SPECC1: variants seen among roughly 807,000 people sequenced by gnomAD.
SPECC1 encodes the protein cytospin-B.
In SPECC1, 62 loss-of-function variants were observed where a neutral mutation model predicts 104.1. That is an observed-to-expected ratio of 0.60 (90% CI 0.49 to 0.74). The LOEUF is 0.74. SPECC1 is among the 30% of genes least tolerant of loss of function. The pLI, the probability that SPECC1 is intolerant of heterozygous loss-of-function variation, is 0.00. For synonymous variants in SPECC1, 513 were observed against 501.6 expected, an observed-to-expected ratio of 1.02 and a Z score of -0.30; for missense variants, 1,306 against 1,310.5, an observed-to-expected ratio of 1.00 and a Z score of 0.05.
intron 12 of SPECC1, among the ~76,000 whole-genome samples, chr17:20,278,719 C>CT (rs71357423): frequency 1.2e-3 from 132 of 107,922 alleles, no homozygotes; most frequent in South Asian, 6.9e-3. Flanking sequence ...CTCTCTCTCT[C>CT]TTTTTTTTTT....
chr17:20,091,842 G>C (rs1424433589), intron 1 of SPECC1, among the ~76,000 whole-genome samples: 1 of 152,076 alleles, frequency 6.6e-6, no homozygotes, highest in Non-Finnish European at 1.5e-5. Context: ...ATTATTTTCT[G>C]ATTGTCCAGA....
chr17:20,119,610 T>C (rs1237081936), intron 3 of SPECC1, among the ~76,000 whole-genome samples: 1 of 152,248 alleles, frequency 6.6e-6, no homozygotes, highest in Non-Finnish European at 1.5e-5. Flanking sequence ...TTGTACATTG[T>C]CATGCTGTCC....
At chr17:20,251,042 C>A (rs1250733126) in intron 9 of SPECC1, among the ~76,000 whole-genome samples, 1 of 151,774 alleles carries the variant, frequency 6.6e-6, no homozygotes, top group Non-Finnish European at 1.5e-5. Flanking sequence ...CTCTGGTCAC[C>A]ATGGCGAAAC....
At chr17:20,257,749 G>A (rs1016635987) in intron 11 of SPECC1, 142 bp downstream of exon 11, 2 of 1,159,134 alleles carry the variant, frequency 1.7e-6, no homozygotes, top group Non-Finnish European at 2.4e-6. Context: ...GCCTGCCCTT[G>A]GTGAGTCTAA....
intron 2 of SPECC1, among the ~76,000 whole-genome samples, chr17:20,108,741 G>A (rs1240887460): frequency 6.6e-6 from 1 of 152,122 alleles, no homozygotes; most frequent in Non-Finnish European, 1.5e-5. Context: ...CTAGTTTTGG[G>A]CTGCTATAAA....
At chr17:20,301,041 ACT>A in intron 13 of SPECC1, among the ~76,000 whole-genome samples, 1 of 151,842 alleles carries the variant, frequency 6.6e-6, no homozygotes, top group Non-Finnish European at 1.5e-5. Context: ...TCCTGGCCAC[ACT>A]CTGGAGGAGC....
chr17:20,031,872 A>G (rs2152442973), intron 1 of SPECC1, among the ~76,000 whole-genome samples: 1 of 152,296 alleles, frequency 6.6e-6, no homozygotes, highest in Non-Finnish European at 1.5e-5. Flanking sequence ...TCCATTGTGT[A>G]TACATATACC....
chr17:20,227,151 A>G (rs891628312), intron 4 of SPECC1, among the ~76,000 whole-genome samples: 2 of 152,180 alleles, frequency 1.3e-5, no homozygotes, highest in Non-Finnish European at 2.9e-5. Context: ...TGTTTCTCTG[A>G]CTATTCACAG....
At chr17:20,182,729 G>C (rs2034993622) in intron 3 of SPECC1, among the ~76,000 whole-genome samples, 1 of 152,186 alleles carries the variant, frequency 6.6e-6, no homozygotes, top group Non-Finnish European at 1.5e-5. Flanking sequence ...AGAAAGTACT[G>C]AGTCTCAAGT....
At chr17:20,196,208 T>A (rs1182941909) in intron 3 of SPECC1, among the ~76,000 whole-genome samples, 2 of 152,358 alleles carry the variant, frequency 1.3e-5, no homozygotes, top group East Asian at 3.9e-4. Flanking sequence ...CTACTTTCCT[T>A]ACACACCTTA....
chr17:20,167,133 T>C (rs2033718778), intron 3 of SPECC1, among the ~76,000 whole-genome samples: 1 of 147,956 alleles, frequency 6.8e-6, no homozygotes, highest in African/African-American at 2.5e-5. Context: ...GTAATGTGTA[T>C]ATATATATTA....
chr17:20,122,680 T>C (rs1264776100), intron 3 of SPECC1, among the ~76,000 whole-genome samples: 1 of 152,200 alleles, frequency 6.6e-6, no homozygotes, highest in Non-Finnish European at 1.5e-5. Flanking sequence ...TTCTGTTCTT[T>C]GTCTCTGAAT....
At chr17:20,017,470 A>G (rs1022963572) in intron 1 of SPECC1, 3 of 153,210 alleles carry the variant, frequency 2.0e-5, no homozygotes, top group African/African-American at 7.2e-5. Flanking sequence ...AACTCCAGAC[A>G]CACCGCCTTT....
chr17:20,135,243 G>T (rs2049857051), intron 3 of SPECC1, among the ~76,000 whole-genome samples: 1 of 152,176 alleles, frequency 6.6e-6, no homozygotes, highest in Non-Finnish European at 1.5e-5. Context: ...GCAAATTACA[G>T]TACAGATGGT....
chr17:20,091,659 C>T (rs1307777198), intron 1 of SPECC1, among the ~76,000 whole-genome samples: 1 of 152,200 alleles, frequency 6.6e-6, no homozygotes, highest in African/African-American at 2.4e-5. Context: ...GTATTTTCAA[C>T]ATGTGGTTCA....
Position 20,121,194 on chromosome 17 carries a change from G to T in SPECC1, c.283+10632G>T, listed in dbSNP as rs536508735. On this transcript the variant is annotated intron_variant, in intron 3 of 14. Transcript: ENST00000395527. Reference sequence around the variant, plus strand: ...TCACAATAGCCATAGGAAGAGCATGGTTATTTTATCTAGACCAGGAACCTT... The same window carrying T: ...TCACAATAGCCATAGGAAGAGCATGTTTATTTTATCTAGACCAGGAACCTT... Among the ~76,000 whole-genome samples, 45 of 152,242 alleles carry T rather than the reference G, an allele frequency of 3.0e-4. 1 individual carries two copies. The highest frequency in any genetic ancestry group is 1.0e-3 in the African/African-American group (42 of 41,528).
At chr17:20,310,148 A>AC (rs1171765442) in intron 14 of SPECC1, among the ~76,000 whole-genome samples, 51 of 152,048 alleles carry the variant, frequency 3.4e-4, no homozygotes, top group African/African-American at 1.2e-3. Flanking sequence ...GTTGATGGAC[A>AC]CCTAGGTTGA....
intron 12 of SPECC1, among the ~76,000 whole-genome samples, chr17:20,289,138 A>AGTG (rs2041068427): frequency 6.6e-6 from 1 of 152,090 alleles, no homozygotes; most frequent in Non-Finnish European, 1.5e-5. Flanking sequence ...CAGAAGCAAA[A>AGTG]GTGGAAACCC....
chr17:20,248,577 C>T (rs1231610658), intron 9 of SPECC1, among the ~76,000 whole-genome samples: 1 of 152,140 alleles, frequency 6.6e-6, no homozygotes, highest in South Asian at 2.1e-4. Context: ...TTTTGAAGAT[C>T]AAGTAAGTGA....
Sources: allele counts gnomAD v4.1 joint callset (sites outside exome capture counted in the v4.1 genomes callset), GRCh38; gene constraint gnomAD v4.1.1; transcripts MANE v1.5; gene names NCBI Gene and HGNC (gene_info 2026-07-23, HGNC 2026-07-21).